The following FAM117A variants were observed in gnomAD, a reference collection of about 807,000 sequenced individuals.
FAM117A encodes family with sequence similarity 117 member A.
Under a neutral mutation model 44.1 loss-of-function variants are expected in FAM117A, and 21 were observed. The observed-to-expected ratio is 0.48, with a 90% CI of 0.34 to 0.69. FAM117A has a LOEUF of 0.69. FAM117A is among the 30% of genes least tolerant of loss of function. The pLI, the probability that FAM117A is intolerant of heterozygous loss-of-function variation, is 0.01. For missense variants in FAM117A, 498 were observed against 589.9 expected (o/e 0.84, Z 1.61); for synonymous variants, 220 against 238.3 (o/e 0.92, Z 0.71).
Position 49,782,046 on chromosome 17 carries a change from C to T in FAM117A, c.-621+6451G>A, listed in dbSNP as rs565478144. ...TTAAAATATGCACATAAAATGTATG[C>T]ATGAGGAGAAAAAATGGAAGGCAAT... On this transcript the variant is annotated intron_variant, in intron 1 of 7. Transcript: ENST00000513602. Among the ~76,000 whole-genome samples, 13 of 151,820 alleles carry T rather than the reference C, an allele frequency of 8.6e-5. No homozygotes were observed. In the East Asian group the frequency reaches 2.5e-3, roughly 29 times the overall value.
intron 1 of FAM117A, among the ~76,000 whole-genome samples, chr17:49,760,788 T>A (rs1178048465): frequency 6.6e-6 from 1 of 152,070 alleles, no homozygotes; most frequent in East Asian, 1.9e-4. Flanking sequence ...CCTGGAAGAG[T>A]ATAAAAGTCA....
chr17:49,767,541 A>G (rs1382898597), upstream of FAM117A, among the ~76,000 whole-genome samples: 1 of 152,214 alleles, frequency 6.6e-6, no homozygotes, highest in African/African-American at 2.4e-5. Flanking sequence ...ATGCTATTTC[A>G]TTTGGGATAC....
At chr17:49,752,094 A>T (rs79521284) in intron 1 of FAM117A, among the ~76,000 whole-genome samples, 2 of 148,306 alleles carry the variant, frequency 1.3e-5, no homozygotes, top group African/African-American at 5.0e-5. Context: ...CATCTCTATT[A>T]AAAAAAAAAA....
chr17:49,736,359 C>T (rs2073610905), intron 1 of FAM117A, among the ~76,000 whole-genome samples: 1 of 151,982 alleles, frequency 6.6e-6, no homozygotes, highest in South Asian at 2.1e-4. Context: ...CAGGTTCACA[C>T]CATTCTCCTG....
chr17:49,788,785 C>T (rs749186826), upstream of FAM117A: 30 of 1,559,224 alleles, frequency 1.9e-5, no homozygotes, highest in East Asian at 6.2e-4. Flanking sequence ...ACCGTTCCTG[C>T]TGCTGCCGCC....
In FAM117A at chr17:49,755,270, G is replaced by T. The variant is rs558617190; in HGVS notation, c.196+8622C>A. On this transcript the variant is annotated intron_variant, in intron 1 of 7. Transcript: ENST00000240364. ...CTGGCTTGGGAGAGGGGCGCTTTCAGCCTGATCACACCTCTGAAGCCATCC... is the reference window on the plus strand; with the variant it reads ...CTGGCTTGGGAGAGGGGCGCTTTCATCCTGATCACACCTCTGAAGCCATCC... 9.2e-5 allele frequency among the ~76,000 whole-genome samples: 14 copies of T among 152,256 alleles called. No individual in the cohort carries two copies. The South Asian group carries it at 2.9e-3, about 32-fold the overall frequency.
intron 1 of FAM117A, among the ~76,000 whole-genome samples, chr17:49,753,947 C>G (rs1422825932): frequency 2.0e-5 from 3 of 152,144 alleles, no homozygotes; most frequent in Non-Finnish European, 4.4e-5. Flanking sequence ...CGGAACTACT[C>G]CAGATTCCAA....
chr17:49,778,593 C>T (rs111502296), intron 1 of FAM117A, among the ~76,000 whole-genome samples: 4 of 152,316 alleles, frequency 2.6e-5, no homozygotes, highest in African/African-American at 7.2e-5. Flanking sequence ...CAGAATTAGG[C>T]GCTATATTTC....
At chr17:49,783,003 C>T (rs1214152109) in intron 1 of FAM117A, among the ~76,000 whole-genome samples, 1 of 152,130 alleles carries the variant, frequency 6.6e-6, no homozygotes, top group Non-Finnish European at 1.5e-5. Context: ...CCATGGTGAC[C>T]GGGTACTTTC....
At chr17:49,719,112 A>T (rs2073520475) in intron 5 of FAM117A, among the ~76,000 whole-genome samples, 1 of 151,202 alleles carries the variant, frequency 6.6e-6, no homozygotes, top group Non-Finnish European at 1.5e-5. Context: ...AAATACAAAA[A>T]TTAGTCAGGC....
intron 2 of FAM117A, among the ~76,000 whole-genome samples, chr17:49,727,597 G>T (rs2073565691): frequency 6.6e-6 from 1 of 152,134 alleles, no homozygotes; most frequent in South Asian, 2.1e-4. Context: ...AGGAAGCCTT[G>T]CCTGGGATTG....
intron 1 of FAM117A, among the ~76,000 whole-genome samples, chr17:49,770,307 A>G (rs1386907260): frequency 6.6e-6 from 1 of 151,050 alleles, no homozygotes; most frequent in Admixed American, 6.6e-5. Flanking sequence ...TAGATGGAGT[A>G]CTTTTCAGCA....
intron 1 of FAM117A, among the ~76,000 whole-genome samples, chr17:49,747,009 G>A (rs1202146601): frequency 6.6e-6 from 1 of 152,112 alleles, no homozygotes; most frequent in Non-Finnish European, 1.5e-5. Flanking sequence ...GAAACTGTAC[G>A]CAGATGAGTT....
intron 2 of FAM117A, among the ~76,000 whole-genome samples, chr17:49,725,935 G>A (rs910634077): frequency 9.2e-5 from 14 of 152,158 alleles, no homozygotes; most frequent in Non-Finnish European, 1.5e-4. Flanking sequence ...GCAGAGACTC[G>A]AGTGATGTGG....
At chr17:49,730,018 G>A (rs915466417) in intron 2 of FAM117A, among the ~76,000 whole-genome samples, 2 of 152,196 alleles carry the variant, frequency 1.3e-5, no homozygotes, top group African/African-American at 2.4e-5. Flanking sequence ...CCTCCACAGT[G>A]TAATACCAGT....
intron 2 of FAM117A, among the ~76,000 whole-genome samples, chr17:49,730,419 A>G (rs2073579935): frequency 6.6e-6 from 1 of 152,252 alleles, no homozygotes; most frequent in Admixed American, 6.5e-5. Context: ...AAACTCAGCC[A>G]GGGAACATCT....
At chr17:49,773,841 C>T (rs1165688626) in intron 1 of FAM117A, among the ~76,000 whole-genome samples, 2 of 152,060 alleles carry the variant, frequency 1.3e-5, no homozygotes, top group African/African-American at 2.4e-5. Context: ...GTAACCTCCA[C>T]CACCCTGGTT....
intron 1 of FAM117A, among the ~76,000 whole-genome samples, chr17:49,786,778 GAAAA>G (rs35017139): frequency 2.6e-5 from 3 of 117,202 alleles, no homozygotes; most frequent in Admixed American, 8.7e-5. Flanking sequence ...CCCTGTCTCA[GAAAA>G]AAAAAAAAAA....
intron 1 of FAM117A, among the ~76,000 whole-genome samples, chr17:49,778,685 G>A (rs1307636335): frequency 6.6e-6 from 1 of 152,200 alleles, no homozygotes; most frequent in Admixed American, 6.5e-5. Flanking sequence ...TGCCATTCAT[G>A]CATACATCCA....
Sources: allele counts gnomAD v4.1 joint callset (sites outside exome capture counted in the v4.1 genomes callset), GRCh38; gene constraint gnomAD v4.1.1; transcripts MANE v1.5; gene names NCBI Gene and HGNC (gene_info 2026-07-23, HGNC 2026-07-21).